Variants in DOP1B observed in about 807,000 individuals in gnomAD.
The protein encoded by DOP1B is protein DOP1B.
Under a neutral mutation model 233.5 loss-of-function variants are expected in DOP1B, and 174 were observed. That is an observed-to-expected ratio of 0.75 (90% CI 0.66 to 0.85). The LOEUF is 0.85. DOP1B is among the 40% of genes least tolerant of loss of function. DOP1B has a pLI of 0.00. For missense variants in DOP1B, 2,652 were observed against 2,846.6 expected, an observed-to-expected ratio of 0.93 and a Z score of 1.56; for synonymous variants, 1,190 against 1,185.6, an observed-to-expected ratio of 1.00 and a Z score of -0.08.
chr21:36,278,452 C>A, intron 30 of DOP1B, 97 bp downstream of exon 30: 2 of 1,355,728 alleles, frequency 1.5e-6, no homozygotes, highest in Non-Finnish European at 2.0e-6. Context: ...AGAAGCAGAG[C>A]CATAGGATCA....
intron 12 of DOP1B, 132 bp from the exon 13 acceptor site, chr21:36,227,549 AAAAAG>A: frequency 2.4e-6 from 2 of 848,658 alleles, no homozygotes; most frequent in African/African-American, 1.7e-5. Context: ...TCTGTCAAAA[AAAAAG>A]AAAGAAAGAA....
chr21:36,202,157 A>T (rs2066375421), intron 4 of DOP1B, among the ~76,000 whole-genome samples: 1 of 152,204 alleles, frequency 6.6e-6, no homozygotes, highest in Non-Finnish European at 1.5e-5. Flanking sequence ...ACTGCACTCC[A>T]GCCTGGGTGA....
rs199956810 is a variant in DOP1B at position 36,246,258 on chromosome 21, G to A, written c.4278G>A (p.Leu1426=). The A allele has an allele frequency of 7.7e-5, 124 of 1,613,910 alleles. No individual in the cohort carries two copies. The highest frequency in any genetic ancestry group is 1.0e-4 in the Non-Finnish European group (119 of 1,180,048). ...TCTTTGAGGAGAGTCTCATTAACTT[G>A]GGTCAGGACCAGATCTGGAGTGAGC... is the stretch of plus-strand genomic sequence containing the variant. ...DSLFEESLIN[L]GQDQIWSEHP... Residue 1426 remains leucine (L), a synonymous_variant, in exon 19 of 37, where the codon TTG becomes TTA. Transcript: ENST00000691173. This position sits in a 1 kb window ranked among gnomAD's most constrained non-coding sequence, Gnocchi z 5.1.
At chr21:36,183,599 TA>T (rs2066127553) in intron 2 of DOP1B, among the ~76,000 whole-genome samples, 1 of 152,232 alleles carries the variant, frequency 6.6e-6, no homozygotes, top group African/African-American at 2.4e-5. Flanking sequence ...GCAGGACGCC[TA>T]CAGAGCAGTT....
chr21:36,253,321 C>T (rs1287178703), intron 22 of DOP1B, among the ~76,000 whole-genome samples: 1 of 152,212 alleles, frequency 6.6e-6, no homozygotes, highest in Non-Finnish European at 1.5e-5. Flanking sequence ...ATTACAGCCC[C>T]ATCATGGCCT....
chr21:36,172,945 C>G (rs2065986363), intron 2 of DOP1B, among the ~76,000 whole-genome samples: 1 of 151,990 alleles, frequency 6.6e-6, no homozygotes, highest in Admixed American at 6.6e-5. Context: ...ATGGTGAAAC[C>G]CTGTCTCTAT....
Position 36,211,660 on chromosome 21 carries a change from T to C in DOP1B, c.780+9T>C. On this transcript the variant is annotated intron_variant, in intron 6 of 36. Transcript: ENST00000691173. ...CATTTTATACCTGTCTGGTAAGTAA[T>C]TTGTACTCTTCTGGTAAGTCACTGG... 6.2e-7 allele frequency: 1 copy of C among 1,612,912 alleles called. No individual in the cohort carries two copies. Among genetic ancestry groups the C allele is most frequent in the Non-Finnish European group, 8.5e-7 (1 of 1,178,914 alleles).
intron 32 of DOP1B, among the ~76,000 whole-genome samples, chr21:36,284,471 A>G (rs2067459604): frequency 6.7e-6 from 1 of 149,740 alleles, no homozygotes; most frequent in Admixed American, 6.7e-5. Flanking sequence ...GGGTTTCACC[A>G]TGTTGGTCAT....
chr21:36,186,669 C>A (rs1230977149), intron 2 of DOP1B, among the ~76,000 whole-genome samples: 1 of 152,150 alleles, frequency 6.6e-6, no homozygotes, highest in South Asian at 2.1e-4. Context: ...TCCACCCCCA[C>A]CCCCGGAGTG....
In DOP1B at chr21:36,278,243, C is replaced by T; in HGVS notation, c.5857C>T (p.Gln1953Ter). The T allele has an allele frequency of 6.2e-7, 1 of 1,614,174 alleles. No homozygotes were observed. Among genetic ancestry groups the T allele is most frequent in the Non-Finnish European group, 8.5e-7 (1 of 1,180,036 alleles). The change falls in exon 30 of 37, where the codon CAG becomes TAG. Residue 1953 changes from glutamine to a stop codon, truncating the protein, a stop_gained. Transcript: ENST00000691173. LOFTEE classifies it high-confidence loss of function. ...TGCTCCCAGCTTCCGGGCTGGCGCTCAGCTGCTGAGCTCCCTGAGTGGCTA... is the reference window on the plus strand; with the variant it reads ...TGCTCCCAGCTTCCGGGCTGGCGCTTAGCTGCTGAGCTCCCTGAGTGGCTA... ...YNAPSFRAGA[Q>*]LLSSLSGYAY...
intron 27 of DOP1B, among the ~76,000 whole-genome samples, chr21:36,275,585 C>T (rs2067340871): frequency 2.0e-5 from 3 of 149,980 alleles, no homozygotes; most frequent in Non-Finnish European, 2.9e-5. Context: ...CACCACTGTA[C>T]TCCAGCCTGG....
chr21:36,193,387 C>G (rs374109413), intron 2 of DOP1B, among the ~76,000 whole-genome samples: 59 of 152,198 alleles, frequency 3.9e-4, no homozygotes, highest in African/African-American at 1.4e-3. Context: ...TTAGCAAGGC[C>G]TGTTTGTTCA....
intron 26 of DOP1B, among the ~76,000 whole-genome samples, chr21:36,265,867 G>T (rs150677202): frequency 4.9e-5 from 7 of 144,002 alleles, no homozygotes; most frequent in Non-Finnish European, 9.6e-5. Flanking sequence ...TAACCAAAAT[G>T]TGTGGGAATT....
intron 17 of DOP1B, among the ~76,000 whole-genome samples, chr21:36,239,432 C>T (rs2066866208): frequency 6.6e-6 from 1 of 152,190 alleles, no homozygotes. Context: ...ATTGTTTTTC[C>T]CGAGTGCCTC....
At position 36,208,743 on chromosome 21, in the gene DOP1B, C is replaced by G; in HGVS notation, c.520C>G (p.Leu174Val). The G allele has an allele frequency of 6.2e-7, 1 of 1,613,720 alleles. No individual in the cohort carries two copies. Among genetic ancestry groups the G allele is most frequent in the Non-Finnish European group, 8.5e-7 (1 of 1,179,820 alleles). Residue 174 changes from leucine (L) to valine (V), a missense_variant, in exon 5 of 37, where the codon CTG becomes GTG. By Grantham distance (32) the Leu-to-Val change is conservative. Coordinates refer to ENST00000691173, the MANE Select transcript of DOP1B (RefSeq NM_001320714.2). ...GGATGCTCTGCTCCTGAGACTGTCG[C>G]TGGTGGTTGGCAAAGAGGTGTTTTA... is the stretch of plus-strand genomic sequence containing the variant. ...RTDALLLRLS[L>V]VVGKEVFYTA... is the part of the protein sequence containing the mutation.
intron 1 of DOP1B, among the ~76,000 whole-genome samples, chr21:36,157,198 C>T (rs2065827685): frequency 6.6e-6 from 1 of 152,026 alleles, no homozygotes; most frequent in Non-Finnish European, 1.5e-5. Flanking sequence ...TGGGTGGGGT[C>T]CCCTAGGGTT....
intron 2 of DOP1B, among the ~76,000 whole-genome samples, chr21:36,171,086 C>G (rs1294755469): frequency 6.6e-6 from 1 of 152,210 alleles, no homozygotes; most frequent in Non-Finnish European, 1.5e-5. Flanking sequence ...TGAGATCCGT[C>G]TCAGGTTCAA....
chr21:36,282,671 C>G (rs2067430990), intron 32 of DOP1B, among the ~76,000 whole-genome samples: 1 of 151,850 alleles, frequency 6.6e-6, no homozygotes, highest in South Asian at 2.1e-4. Flanking sequence ...CATTCTTTGA[C>G]TGCATCAAAA....
At chr21:36,214,007 A>G (rs2066530317) in intron 7 of DOP1B, 74 bp from the exon 8 acceptor site, 2 of 1,206,242 alleles carry the variant, frequency 1.7e-6, no homozygotes, top group South Asian at 1.3e-5. Flanking sequence ...ATATTGGAGC[A>G]TGAGACTTTT....
Sources: allele counts gnomAD v4.1 joint callset (sites outside exome capture counted in the v4.1 genomes callset), GRCh38; gene constraint gnomAD v4.1.1; non-coding constraint Gnocchi (gnomAD v3.1); transcripts MANE v1.5; gene names NCBI Gene and HGNC (gene_info 2026-07-23, HGNC 2026-07-21).